GRID1: variants seen among roughly 807,000 people sequenced by gnomAD.
GRID1 encodes glutamate ionotropic receptor delta type subunit 1.
Under a neutral mutation model 98.0 loss-of-function variants are expected in GRID1, and 28 were observed. The ratio of observed to expected loss-of-function variants is 0.29; its 90% CI spans 0.21 to 0.39. The LOEUF is 0.39. GRID1 is among the 10% of genes least tolerant of loss of function. GRID1 has a pLI of 1.00. For synonymous variants in GRID1, 553 were observed against 538.5 expected (o/e 1.03, Z -0.37); for missense variants, 1,111 against 1,340.5 (o/e 0.83, Z 2.67).
At chr10:86,238,901 A>C (rs975811767) in intron 2 of GRID1, among the ~76,000 whole-genome samples, 1 of 152,194 alleles carries the variant, frequency 6.6e-6, no homozygotes. Context: ...AACCACTACT[A>C]GGGCAGTGTG....
intron 2 of GRID1, among the ~76,000 whole-genome samples, chr10:86,262,945 C>G (rs1017189066): frequency 6.6e-6 from 1 of 151,998 alleles, no homozygotes; most frequent in African/African-American, 2.4e-5. Context: ...CCTCCCTCCC[C>G]CGAGAGCATA....
intron 2 of GRID1, among the ~76,000 whole-genome samples, chr10:86,353,691 C>T (rs1171736188): frequency 6.6e-6 from 1 of 152,224 alleles, no homozygotes; most frequent in Non-Finnish European, 1.5e-5. Context: ...AGGAGAGACC[C>T]ACCCTCAGCT....
At chr10:86,112,173 T>C (rs1844498059) in intron 4 of GRID1, among the ~76,000 whole-genome samples, 1 of 152,172 alleles carries the variant, frequency 6.6e-6, no homozygotes, top group South Asian at 2.1e-4. Context: ...GGGGACACAG[T>C]GCTGGGACCT....
intron 3 of GRID1, among the ~76,000 whole-genome samples, chr10:86,201,629 C>T (rs1845952567): frequency 6.6e-6 from 1 of 151,200 alleles, no homozygotes; most frequent in African/African-American, 2.4e-5. Flanking sequence ...ATACAACAAA[C>T]TCCCATGACA....
At chr10:86,278,210 A>G (rs141211946) in intron 2 of GRID1, among the ~76,000 whole-genome samples, 1,746 of 152,248 alleles carry the variant, frequency 0.011, 40 homozygotes, top group African/African-American at 0.04. Flanking sequence ...AAGGATGGAA[A>G]AAGATATTCC....
At chr10:86,298,069 T>C (rs1275216877) in intron 2 of GRID1, among the ~76,000 whole-genome samples, 1 of 152,212 alleles carries the variant, frequency 6.6e-6, no homozygotes, top group Non-Finnish European at 1.5e-5. Context: ...AGAAAATAAT[T>C]CGTTAGAAAG....
In GRID1 at chr10:86,211,489, G is replaced by A. The variant is rs560894223; in HGVS notation, c.236-4841C>T. ...GGGCTACTCAGAGCTCGGCATTGGG[G>A]GTGTGGGGGGTGCCCAGACAGCATT... On this transcript the variant is annotated intron_variant, in intron 2 of 15. Coordinates refer to ENST00000327946, the MANE Select transcript of GRID1 (RefSeq NM_017551.3). 3.3e-5 allele frequency among the ~76,000 whole-genome samples: 5 copies of A among 152,290 alleles called. No individual in the cohort carries two copies. In the South Asian group the frequency reaches 1.0e-3, roughly 32 times the overall value.
chr10:86,149,255 G>A (rs184055755), intron 3 of GRID1, among the ~76,000 whole-genome samples: 36 of 152,324 alleles, frequency 2.4e-4, no homozygotes, highest in African/African-American at 8.2e-4. Flanking sequence ...CTCTTTGAGA[G>A]GGGAAACAAG....
At chr10:86,213,196 C>T (rs1846130167) in intron 2 of GRID1, among the ~76,000 whole-genome samples, 1 of 152,154 alleles carries the variant, frequency 6.6e-6, no homozygotes, top group Admixed American at 6.5e-5. Context: ...CTGCTGAAAT[C>T]CCAACTAGGA....
At chr10:86,204,675 G>A (rs956441210) in intron 3 of GRID1, among the ~76,000 whole-genome samples, 2 of 152,206 alleles carry the variant, frequency 1.3e-5, no homozygotes, top group African/African-American at 2.4e-5. Flanking sequence ...CCCTCCCAGC[G>A]GCTGAGGCTC....
chr10:86,015,849 A>G (rs778335789), intron 4 of GRID1, among the ~76,000 whole-genome samples: 2 of 152,184 alleles, frequency 1.3e-5, no homozygotes, highest in Non-Finnish European at 2.9e-5. Flanking sequence ...TATTACAGAT[A>G]TTATTACAGA....
chr10:86,040,872 T>C (rs1390507739), intron 4 of GRID1, among the ~76,000 whole-genome samples: 2 of 152,064 alleles, frequency 1.3e-5, no homozygotes, highest in Non-Finnish European at 2.9e-5. Context: ...ATATGTACAA[T>C]TATTATGTGT....
intron 2 of GRID1, among the ~76,000 whole-genome samples, chr10:86,235,510 C>T (rs543252340): frequency 2.6e-5 from 4 of 152,320 alleles, no homozygotes; most frequent in Admixed American, 6.5e-5. Context: ...TATTTCCATA[C>T]ACCCCAAAGG....
At chr10:85,881,607 T>A (rs1444109421) in intron 5 of GRID1, among the ~76,000 whole-genome samples, 6 of 152,232 alleles carry the variant, frequency 3.9e-5, no homozygotes, top group African/African-American at 7.2e-5. Flanking sequence ...TCCTTACACC[T>A]TATACAAAAA....
intron 8 of GRID1, among the ~76,000 whole-genome samples, chr10:85,735,800 G>A (rs1384547740): frequency 1.3e-5 from 2 of 150,984 alleles, no homozygotes; most frequent in Non-Finnish European, 3.0e-5. Context: ...GAGGAAGGGA[G>A]GAAGGAAGGA....
intron 2 of GRID1, among the ~76,000 whole-genome samples, chr10:86,268,016 A>G (rs1847129882): frequency 6.6e-6 from 1 of 152,176 alleles, no homozygotes; most frequent in Admixed American, 6.5e-5. Flanking sequence ...CGCCTGTGTC[A>G]TGCACAGTCA....
intron 3 of GRID1, among the ~76,000 whole-genome samples, chr10:86,168,332 G>A (rs549639627): frequency 6.6e-5 from 10 of 152,310 alleles, no homozygotes; most frequent in South Asian, 2.1e-4. Context: ...GTGTGGAGCC[G>A]AGGAGACAAT....
At chr10:85,873,721 T>C (rs140100262) in intron 5 of GRID1, among the ~76,000 whole-genome samples, 304 of 152,340 alleles carry the variant, frequency 2.0e-3, no homozygotes, top group African/African-American at 6.9e-3. Flanking sequence ...AGCTAAACAA[T>C]GTGTATGCCT....
chr10:85,614,455 A>C (rs901650590), intron 14 of GRID1, among the ~76,000 whole-genome samples: 3 of 152,242 alleles, frequency 2.0e-5, no homozygotes, highest in African/African-American at 4.8e-5. Context: ...TTTGCATGCC[A>C]GTCCTTTGAG....
Sources: allele counts gnomAD v4.1 joint callset (sites outside exome capture counted in the v4.1 genomes callset), GRCh38; gene constraint gnomAD v4.1.1; transcripts MANE v1.5; gene names NCBI Gene and HGNC (gene_info 2026-07-23, HGNC 2026-07-21).